TTC39B: variants seen among roughly 807,000 people sequenced by gnomAD.
The protein encoded by TTC39B is tetratricopeptide repeat domain 39B, also known as tetratricopeptide repeat protein 39B.
A neutral mutation model predicts 96.6 loss-of-function variants in TTC39B; 92 were observed. The observed-to-expected ratio is 0.95, with a 90% CI of 0.80 to 1.13. The LOEUF (loss-of-function observed/expected upper bound fraction) is 1.13. TTC39B is among the 50% of genes most tolerant of loss of function. The pLI is 0.00. For missense variants in TTC39B, 955 were observed against 809.3 expected (o/e 1.18, Z -2.18); for synonymous variants, 367 against 299.4 (o/e 1.23, Z -2.33).
intron 6 of TTC39B, among the ~76,000 whole-genome samples, chr9:15,208,324 AATT>A (rs1046756751): frequency 7.2e-5 from 11 of 151,968 alleles, no homozygotes; most frequent in African/African-American, 2.7e-4. Flanking sequence ...CACCCGGCCA[AATT>A]ATTATTATTA....
chr9:15,222,137 A>G (rs1406435205), intron 3 of TTC39B, among the ~76,000 whole-genome samples: 3 of 152,218 alleles, frequency 2.0e-5, no homozygotes, highest in Non-Finnish European at 4.4e-5. Flanking sequence ...TTGTTAAACT[A>G]AGAGGGATCG....
intron 2 of TTC39B, among the ~76,000 whole-genome samples, chr9:15,231,201 T>C (rs542519297): frequency 2.4e-4 from 36 of 152,230 alleles, no homozygotes; most frequent in Admixed American, 1.5e-3. Context: ...TTTGTAGAAA[T>C]GGTGCCTTGC....
At chr9:15,234,981 A>G (rs1210157153) in intron 2 of TTC39B, among the ~76,000 whole-genome samples, 1 of 150,732 alleles carries the variant, frequency 6.6e-6, no homozygotes, top group African/African-American at 2.4e-5. Flanking sequence ...TTGTCCTATG[A>G]CCCTGCCAAA....
intron 8 of TTC39B, among the ~76,000 whole-genome samples, chr9:15,198,167 T>C (rs112811622): frequency 0.019 from 2,824 of 152,168 alleles, 109 homozygotes; most frequent in African/African-American, 0.064. Context: ...ATCATAAAAA[T>C]AGCACAAAGG....
At chr9:15,224,151 TCTCC>T (rs1228378674) in intron 3 of TTC39B, among the ~76,000 whole-genome samples, 2 of 152,130 alleles carry the variant, frequency 1.3e-5, no homozygotes, top group African/African-American at 4.8e-5. Context: ...TGATGCTCAC[TCTCC>T]CTACTTCCCC....
At chr9:15,166,983 TATATATA>T (rs1348634418) in exon 20 of TTC39B, 20 of 4,352 alleles carry the variant, frequency 4.6e-3, no homozygotes, top group African/African-American at 8.8e-3. Flanking sequence ...ACCTTTATTT[TATATATA>T]TATATATATA....
chr9:15,214,212 C>G, exon 4 of TTC39B: 3 of 1,613,988 alleles, frequency 1.9e-6, no homozygotes, highest in Non-Finnish European at 2.5e-6. Context: ...GCACATTCTT[C>G]GAGGCCACTC....
At chr9:15,201,335 C>T (rs1319124676) in intron 7 of TTC39B, among the ~76,000 whole-genome samples, 1 of 151,340 alleles carries the variant, frequency 6.6e-6, no homozygotes, top group Non-Finnish European at 1.5e-5. Flanking sequence ...ATACCAGGCA[C>T]CCAAATGCAA....
chr9:15,202,649 T>C (rs1819608680), intron 7 of TTC39B, among the ~76,000 whole-genome samples: 1 of 151,726 alleles, frequency 6.6e-6, no homozygotes, highest in African/African-American at 2.4e-5. Context: ...GAGGCAGACG[T>C]TGCAGTGAGC....
intron 2 of TTC39B, among the ~76,000 whole-genome samples, chr9:15,244,005 C>T (rs1270368299): frequency 6.6e-6 from 1 of 152,188 alleles, no homozygotes; most frequent in Admixed American, 6.5e-5. Flanking sequence ...GTTTTCCTTG[C>T]CCATAGTCAT....
intron 1 of TTC39B, among the ~76,000 whole-genome samples, chr9:15,279,552 C>T (rs1404183117): frequency 1.3e-5 from 2 of 152,292 alleles, no homozygotes; most frequent in African/African-American, 4.8e-5. Context: ...CTCAATTTCC[C>T]ATGTCACTCA....
intron 16 of TTC39B, 32 bp downstream of exon 16, chr9:15,185,248 C>T (rs776216986): frequency 6.3e-7 from 1 of 1,582,810 alleles, no homozygotes; most frequent in East Asian, 2.3e-5. Flanking sequence ...TAATTTATTT[C>T]TAGTACATGA....
chr9:15,250,152 C>T, intron 2 of TTC39B: 1 of 1,212,786 alleles, frequency 8.2e-7, no homozygotes, highest in South Asian at 1.5e-5. Flanking sequence ...CCAGGGCTTT[C>T]CAGGGCAGAA....
exon 16 of TTC39B, chr9:15,185,284 G>A (rs1223384685): frequency 6.2e-7 from 1 of 1,611,358 alleles, no homozygotes; most frequent in Non-Finnish European, 8.5e-7. Context: ...AGATACCAGG[G>A]CAGGTAAGAT....
rs1818026872 is a variant in TTC39B at position 15,177,826 on chromosome 9, A to G, written c.1724-12T>C. The G allele has an allele frequency of 1.3e-6, 2 of 1,526,872 alleles. No homozygotes were observed. The highest frequency in any genetic ancestry group is 1.8e-6 in the Non-Finnish European group (2 of 1,119,420). The allele number at this position is 1,526,872 out of a possible 1,614,324, so 94.6% of individuals were successfully genotyped here. ...GAAGCTGTTAAAATCTTAAAACAAA[A>G]AACATACAAAGAAAACACACAAAGA... On this transcript the variant is annotated splice_polypyrimidine_tract_variant and intron_variant, in intron 17 of 19. Coordinates refer to ENST00000512701, the Ensembl canonical transcript of TTC39B.
chr9:15,224,077 T>C (rs1272061704), intron 3 of TTC39B, among the ~76,000 whole-genome samples: 1 of 152,180 alleles, frequency 6.6e-6, no homozygotes, highest in African/African-American at 2.4e-5. Flanking sequence ...TCAATCTTGC[T>C]TTCTCTCCTA....
chr9:15,197,414 T>A (rs936169095), intron 8 of TTC39B, among the ~76,000 whole-genome samples: 1 of 152,174 alleles, frequency 6.6e-6, no homozygotes, highest in Non-Finnish European at 1.5e-5. Context: ...TGAAACACAG[T>A]TTTGTGAAAG....
intron 2 of TTC39B, among the ~76,000 whole-genome samples, chr9:15,230,086 C>G (rs975116193): frequency 2.0e-5 from 3 of 152,082 alleles, no homozygotes; most frequent in African/African-American, 4.8e-5. Context: ...ATGCATGTAC[C>G]CTTGCAAAAG....
chr9:15,271,481 T>G (rs545566079), intron 1 of TTC39B, among the ~76,000 whole-genome samples: 117 of 152,286 alleles, frequency 7.7e-4, no homozygotes, highest in Non-Finnish European at 1.3e-3. Context: ...CTGTTCCACC[T>G]CAGATCATCA....
Sources: allele counts gnomAD v4.1 joint callset (sites outside exome capture counted in the v4.1 genomes callset), GRCh38; gene constraint gnomAD v4.1.1; transcripts MANE v1.5; gene names NCBI Gene and HGNC (gene_info 2026-07-23, HGNC 2026-07-21).